The following DHX34 variants were observed in gnomAD, a reference collection of about 807,000 sequenced individuals.
The protein encoded by DHX34 is probable ATP-dependent RNA helicase DHX34.
A neutral mutation model predicts 111.1 loss-of-function variants in DHX34; 96 were observed. That is an observed-to-expected ratio of 0.86 (90% CI 0.73 to 1.02). The LOEUF is 1.02. DHX34 is among the 50% of genes least tolerant of loss of function. DHX34 has a pLI of 0.00. For synonymous variants in DHX34, 688 were observed against 670.4 expected (o/e 1.03, Z -0.41); for missense variants, 1,560 against 1,579.9 (o/e 0.99, Z 0.21).
intron 13 of DHX34, among the ~76,000 whole-genome samples, chr19:47,379,327 CAGCACTGGTA>C (rs200280658): frequency 0.029 from 4,423 of 152,186 alleles, 95 homozygotes; most frequent in Non-Finnish European, 0.045. Flanking sequence ...TTATGAGCCA[CAGCACTGGTA>C]ATTACAGCGC....
In DHX34 at chr19:47,352,810, A is replaced by T; in HGVS notation, c.-221A>T. On this transcript the variant is annotated 5_prime_UTR_variant, in exon 2 of 17. An upstream start codon of the reference 5' UTR is lost. Transcript: ENST00000328771. ...GTGTCCATCCCAGAGATCACTGCAG[A>T]TGTCATGAGGTACCCTTTGTGTCAC... The T allele has an allele frequency of 2.4e-6, 2 of 822,900 alleles. No homozygotes were observed. The highest frequency in any genetic ancestry group is 3.6e-6 in the Non-Finnish European group (2 of 550,060). 51.0% of individuals were successfully genotyped at this position (822,900 alleles called of 1,614,324 possible).
intron 13 of DHX34, among the ~76,000 whole-genome samples, chr19:47,378,579 C>T (rs893537839): frequency 2.0e-4 from 30 of 152,310 alleles, no homozygotes; most frequent in African/African-American, 7.0e-4. Flanking sequence ...CCTGGAATCC[C>T]AGCACCTTGG....
At chr19:47,360,183 A>T in intron 5 of DHX34, 113 bp downstream of exon 5, 2 of 928,822 alleles carry the variant, frequency 2.2e-6, no homozygotes, top group Non-Finnish European at 3.3e-6. Context: ...AGTACAGTTG[A>T]CTTTCCCATA....
At chr19:47,364,189 G>A (rs1021357271) in intron 6 of DHX34, among the ~76,000 whole-genome samples, 1 of 152,110 alleles carries the variant, frequency 6.6e-6, no homozygotes. Context: ...GAGGGTTTGC[G>A]GGTCGAGCCT....
intron 7 of DHX34, among the ~76,000 whole-genome samples, chr19:47,372,180 C>G (rs999494396): frequency 6.6e-6 from 1 of 151,862 alleles, no homozygotes; most frequent in Non-Finnish European, 1.5e-5. Flanking sequence ...ATGTCTTCGC[C>G]TTCTGTCCCC....
Position 47,362,625 on chromosome 19 carries a change from T to A in DHX34, c.1525T>A (p.Tyr509Asn), listed in dbSNP as rs755375309. 13 of 1,613,884 alleles carry A rather than the reference T, an allele frequency of 8.1e-6. No homozygotes were observed. The South Asian group carries it at 1.4e-4, about 18-fold the overall frequency. ...CTTCCGCCTCTATGCCGAATCGGAC[T>A]ATGATGCCTTCGCCCCCTACCCCGT... ...VCFRLYAESD[Y>N]DAFAPYPVPE... The change falls in exon 6 of 17, where the codon TAT becomes AAT. Residue 509 changes from tyrosine (Y) to asparagine (N), a missense_variant. Physicochemically the swap from Tyr to Asn is moderately radical, Grantham distance 143. Transcript: ENST00000328771.
chr19:47,364,225 C>T (rs979725726), intron 6 of DHX34, among the ~76,000 whole-genome samples: 8 of 152,118 alleles, frequency 5.3e-5, no homozygotes, highest in African/African-American at 1.9e-4. Flanking sequence ...GCCTTGCACT[C>T]ACCACTCCTG....
chr19:47,379,988 A>G lies in DHX34; in HGVS notation c.2982+3A>G, dbSNP rs764990944. On this transcript the variant is annotated splice_donor_region_variant and intron_variant, in intron 14 of 16. Transcript: ENST00000328771. ...TCCTGCAATTCACGGCATCCAAGGT[A>G]CCCTCCACCAGGGTGCCCGTGCCTC... 1 of 1,575,528 alleles carries G rather than the reference A, an allele frequency of 6.3e-7. No individual in the cohort carries two copies.
intron 9 of DHX34, 126 bp downstream of exon 9, chr19:47,373,826 C>A: frequency 8.2e-7 from 1 of 1,225,342 alleles, no homozygotes; most frequent in Non-Finnish European, 1.1e-6. Context: ...CCCACCTCCC[C>A]CACCACCCGG....
At chr19:47,361,137 G>T (rs766231433) in intron 5 of DHX34, among the ~76,000 whole-genome samples, 1 of 152,092 alleles carries the variant, frequency 6.6e-6, no homozygotes, top group South Asian at 2.1e-4. Context: ...TTCATGTATC[G>T]GTTGGCTCAT....
chr19:47,373,018 C>G, intron 8 of DHX34, 95 bp downstream of exon 8: 1 of 1,416,518 alleles, frequency 7.1e-7, no homozygotes. Context: ...CCCTCAGCCC[C>G]ACCCTGGGAG....
At chr19:47,373,480 GAAGCAGGA>G in intron 8 of DHX34, 111 bp from the exon 9 acceptor site, 1 of 1,465,848 alleles carries the variant, frequency 6.8e-7, no homozygotes, top group Non-Finnish European at 9.0e-7. Context: ...CTGAGACCTG[GAAGCAGGA>G]GAGCAGGTGT....
At chr19:47,377,678 A>C (rs530378159) in intron 13 of DHX34, among the ~76,000 whole-genome samples, 3 of 151,660 alleles carry the variant, frequency 2.0e-5, no homozygotes, top group African/African-American at 7.3e-5. Flanking sequence ...CGAGGCAGAC[A>C]TGTGCCTGGC....
intron 6 of DHX34, among the ~76,000 whole-genome samples, chr19:47,365,761 A>G (rs529257719): frequency 1.1e-4 from 16 of 152,148 alleles, no homozygotes; most frequent in African/African-American, 3.9e-4. Context: ...TCTTCCAGTC[A>G]CCAGAGAGGT....
chr19:47,381,633 C>T, intron 16 of DHX34: 2 of 579,552 alleles, frequency 3.5e-6, no homozygotes, highest in Non-Finnish European at 5.9e-6. Context: ...GCTATCTCTG[C>T]CTTGGTCACC....
chr19:47,374,598 T>C (rs1164917242), intron 9 of DHX34, among the ~76,000 whole-genome samples: 6 of 152,140 alleles, frequency 3.9e-5, no homozygotes, highest in Middle Eastern at 3.2e-3. Context: ...GGGTTCCTGG[T>C]GTAATCCATT....
intron 7 of DHX34, among the ~76,000 whole-genome samples, chr19:47,370,370 C>T (rs1345282549): frequency 6.6e-6 from 1 of 152,184 alleles, no homozygotes; most frequent in Non-Finnish European, 1.5e-5. Flanking sequence ...CAGCTCTGCC[C>T]CGCACCCCTC....
At chr19:47,357,517 G>A (rs1599755487) in intron 3 of DHX34, among the ~76,000 whole-genome samples, 1 of 152,146 alleles carries the variant, frequency 6.6e-6, no homozygotes, top group Non-Finnish European at 1.5e-5. Flanking sequence ...ATTTTTAATA[G>A]TCACAAGCAG....
At chr19:47,370,085 G>A (rs867683124) in intron 7 of DHX34, among the ~76,000 whole-genome samples, 8 of 152,272 alleles carry the variant, frequency 5.3e-5, no homozygotes, top group African/African-American at 1.9e-4. Context: ...CTCACCTGAC[G>A]CTGCAGATGC....
Sources: allele counts gnomAD v4.1 joint callset (sites outside exome capture counted in the v4.1 genomes callset), GRCh38; gene constraint gnomAD v4.1.1; transcripts MANE v1.5; gene names NCBI Gene and HGNC (gene_info 2026-07-23, HGNC 2026-07-21).